LDLRAP1: variants seen among roughly 807,000 people sequenced by gnomAD.
The protein encoded by LDLRAP1 is low density lipoprotein receptor adaptor protein 1, also known as low density lipoprotein receptor adapter protein 1.
Under a neutral mutation model 37.8 loss-of-function variants are expected in LDLRAP1, and 30 were observed. The ratio of observed to expected loss-of-function variants is 0.79; its 90% CI spans 0.59 to 1.08. The LOEUF (loss-of-function observed/expected upper bound fraction) is 1.08, where lower values mean the gene tolerates loss of function less well. Among genes scored for constraint, LDLRAP1 ranks in the 50% least tolerant of loss-of-function variants. The pLI, the probability that LDLRAP1 is intolerant of heterozygous loss-of-function variation, is 0.00. For missense variants in LDLRAP1, 375 were observed against 401.6 expected, an observed-to-expected ratio of 0.93 and a Z score of 0.57; for synonymous variants, 156 against 169.8, an observed-to-expected ratio of 0.92 and a Z score of 0.63.
the LDLRAP1 span, among the ~76,000 whole-genome samples, chr1:25,587,883 T>A: frequency 6.6e-6 from 1 of 152,206 alleles, no homozygotes; most frequent in African/African-American, 2.4e-5. Context: ...AGATTGTTAC[T>A]GTGTCTATGT....
chr1:25,543,671 G>C lies in LDLRAP1; in HGVS notation c.-28G>C. 1 of 1,209,056 alleles carries C rather than the reference G, an allele frequency of 8.3e-7. No individual in the cohort carries two copies. The highest frequency in any genetic ancestry group is 1.0e-6 in the Non-Finnish European group (1 of 972,648). 74.9% of individuals were successfully genotyped at this position (1,209,056 alleles called of 1,614,324 possible). A position where few individuals can be genotyped will look rare whatever the true frequency, so the allele number is the denominator to read the frequency against. On this transcript the variant is annotated 5_prime_UTR_variant, in exon 1 of 9. Transcript: ENST00000374338. The stretch of plus-strand genomic sequence containing the variant: ...TTTTCCTGACGGAGTTTTGGCTGCG[G>C]CAGCGGCGGCGGCGGCCGGAGCGGG...
At chr1:25,574,521 A>G in the LDLRAP1 span, among the ~76,000 whole-genome samples, 463 of 152,326 alleles carry the variant, frequency 3.0e-3, 1 homozygote, top group Non-Finnish European at 4.9e-3. Context: ...GGATGTGTGC[A>G]TGGCCAGCTG....
At chr1:25,549,659 C>A (rs907997564) in intron 1 of LDLRAP1, among the ~76,000 whole-genome samples, 2 of 152,242 alleles carry the variant, frequency 1.3e-5, no homozygotes, top group Admixed American at 1.3e-4. Flanking sequence ...TGCACTCAGG[C>A]CTGTATTTGC....
intron 8 of LDLRAP1, among the ~76,000 whole-genome samples, 186 bp from the exon 9 acceptor site, chr1:25,566,662 C>A (rs1232332187): frequency 6.6e-6 from 1 of 152,160 alleles, no homozygotes; most frequent in Non-Finnish European, 1.5e-5. Context: ...CTGCCCCTGA[C>A]TTTTCTGAGC....
At chr1:25,585,986 A>G in the LDLRAP1 span, among the ~76,000 whole-genome samples, 1 of 152,208 alleles carries the variant, frequency 6.6e-6, no homozygotes, top group Admixed American at 6.5e-5. Flanking sequence ...ACCCTCCTTG[A>G]GAGTGTCGTT....
rs1441077079 is a variant in LDLRAP1 at position 25,567,120 on chromosome 1, C to T, written c.*128C>T. On this transcript the variant is annotated 3_prime_UTR_variant, in exon 9 of 9. Transcript: ENST00000374338. ...CCCTCAGCATTGTCAGCCTGAAGAT[C>T]AGAGCTGCAGCCAGTCAGGCAGGGG... The T allele has an allele frequency of 1.5e-5, 18 of 1,176,116 alleles. No individual in the cohort carries two copies. The East Asian group carries it at 4.0e-4, about 26-fold the overall frequency. 72.9% of individuals were successfully genotyped at this position (1,176,116 alleles called of 1,614,324 possible). A position where few individuals can be genotyped will look rare whatever the true frequency, so the allele number is the denominator to read the frequency against.
intron 4 of LDLRAP1, among the ~76,000 whole-genome samples, chr1:25,558,223 C>T (rs1319855647): frequency 6.6e-6 from 1 of 152,278 alleles, no homozygotes; most frequent in Admixed American, 6.5e-5. Flanking sequence ...GCATTGACAC[C>T]TGTTAACCTC....
At position 25,544,486 on chromosome 1, in the gene LDLRAP1, C is replaced by T. The variant is rs1417861807; in HGVS notation, c.88+700C>T. ...CCCGACTATTTTTGAAACCTGTTTTCTCTCGCACCTTTCCCCTCGGGCTTC... is the reference window on the plus strand; with the variant it reads ...CCCGACTATTTTTGAAACCTGTTTTTTCTCGCACCTTTCCCCTCGGGCTTC... On this transcript the variant is annotated intron_variant, in intron 1 of 8. Transcript: ENST00000374338. This position sits in a 1 kb window ranked among gnomAD's most constrained non-coding sequence, Gnocchi z 4.8. 1.3e-5 allele frequency among the ~76,000 whole-genome samples: 2 copies of T among 152,222 alleles called. No homozygotes were observed. The highest frequency in any genetic ancestry group is 1.3e-4 in the Admixed American group (2 of 15,294).
the LDLRAP1 span, among the ~76,000 whole-genome samples, chr1:25,586,285 G>A: frequency 6.6e-6 from 1 of 152,048 alleles, no homozygotes; most frequent in African/African-American, 2.4e-5. This position sits in a 1 kb window ranked among gnomAD's most constrained non-coding sequence, Gnocchi z 4.3. Context: ...GTGGCCCAGG[G>A]GCTCTCATGA....
intron 7 of LDLRAP1, 121 bp downstream of exon 7, chr1:25,563,912 C>G: frequency 7.5e-7 from 1 of 1,329,574 alleles, no homozygotes. Context: ...AGGACCAGAC[C>G]CAGCCCGGTA....
downstream of LDLRAP1, among the ~76,000 whole-genome samples, chr1:25,572,422 G>A (rs937202144): frequency 6.6e-6 from 1 of 152,152 alleles, no homozygotes; most frequent in Admixed American, 6.5e-5. Context: ...ACACACAGCC[G>A]ATGGCATGGC....
At chr1:25,580,255 G>A in the LDLRAP1 span, among the ~76,000 whole-genome samples, 4 of 152,150 alleles carry the variant, frequency 2.6e-5, no homozygotes, top group Non-Finnish European at 4.4e-5. Context: ...AGACAGAGCT[G>A]TCTCCTGTAA....
At chr1:25,580,167 G>A in the LDLRAP1 span, among the ~76,000 whole-genome samples, 1 of 152,180 alleles carries the variant, frequency 6.6e-6, no homozygotes, top group Non-Finnish European at 1.5e-5. Context: ...CGCAGATTCA[G>A]GGTAGGCTCC....
downstream of LDLRAP1, among the ~76,000 whole-genome samples, chr1:25,569,345 G>T (rs2044569472): frequency 6.6e-6 from 1 of 152,180 alleles, no homozygotes; most frequent in South Asian, 2.1e-4. Flanking sequence ...CAGTACTGGG[G>T]ACAGGGGTCC....
intron 1 of LDLRAP1, among the ~76,000 whole-genome samples, chr1:25,548,948 G>T (rs1176134798): frequency 6.6e-6 from 1 of 152,166 alleles, no homozygotes; most frequent in Non-Finnish European, 1.5e-5. Flanking sequence ...GAGCCACTGT[G>T]CCTGTCTTGT....
chr1:25,576,946 T>A, the LDLRAP1 span, among the ~76,000 whole-genome samples: 1 of 151,502 alleles, frequency 6.6e-6, no homozygotes, highest in Non-Finnish European at 1.5e-5. Flanking sequence ...AGCGGTGGGG[T>A]TCAGGCCTGT....
intron 1 of LDLRAP1, among the ~76,000 whole-genome samples, chr1:25,552,354 AG>A (rs1270072474): frequency 2.6e-5 from 4 of 152,212 alleles, no homozygotes; most frequent in Non-Finnish European, 5.9e-5. Flanking sequence ...CCAGTGAGGA[AG>A]GCCTCAGGAG....
At chr1:25,557,591 A>G (rs1043427877) in intron 4 of LDLRAP1, among the ~76,000 whole-genome samples, 1 of 152,020 alleles carries the variant, frequency 6.6e-6, no homozygotes, top group African/African-American at 2.4e-5. Context: ...TGGTCTAGGG[A>G]TGCAGGGCCT....
rs765724895 is a variant in LDLRAP1 at position 25,562,754 on chromosome 1, G to C, written c.532+38G>C. On this transcript the variant is annotated intron_variant, in intron 5 of 8. Coordinates refer to ENST00000374338, the MANE Select transcript of LDLRAP1 (RefSeq NM_015627.3). The stretch of plus-strand genomic sequence containing the variant: ...ATCTACATTGTGGGTGTGGTGGGAG[G>C]TGGGGAGACACATAAAGGCCCTGGG... The C allele has an allele frequency of 4.9e-5, 78 of 1,583,474 alleles. No homozygotes were observed. The Admixed American group carries it at 1.3e-3, about 26-fold the overall frequency.
Sources: allele counts gnomAD v4.1 joint callset (sites outside exome capture counted in the v4.1 genomes callset), GRCh38; gene constraint gnomAD v4.1.1; non-coding constraint Gnocchi (gnomAD v3.1); transcripts MANE v1.5; gene names NCBI Gene and HGNC (gene_info 2026-07-23, HGNC 2026-07-21).